Variants in CSMD2 observed in about 807,000 individuals in gnomAD.
The protein encoded by CSMD2 is CUB and Sushi multiple domains 2, also known as CUB and sushi domain-containing protein 2.
CSMD2 carries 130 observed loss-of-function variants against 398.5 expected under a neutral mutation model. That is an observed-to-expected ratio of 0.33 (90% CI 0.28 to 0.38). The LOEUF is 0.38. CSMD2 is among the 10% of genes least tolerant of loss of function. CSMD2 has a pLI of 1.00. For missense variants in CSMD2, 3,829 were observed against 4,764.9 expected (o/e 0.80, Z 5.78); for synonymous variants, 1,828 against 1,908.5 (o/e 0.96, Z 1.10).
At chr1:34,126,390 G>A (rs996398341) in intron 1 of CSMD2, among the ~76,000 whole-genome samples, 2 of 152,170 alleles carry the variant, frequency 1.3e-5, no homozygotes, top group Admixed American at 1.3e-4. Flanking sequence ...CTGTAATGGG[G>A]CTAGGCAGAA....
rs1338145854 is a variant in CSMD2, at chr1:33,567,644, G to T, written c.8329C>A (p.Arg2777Ser). The T allele has an allele frequency of 6.2e-7, 1 of 1,614,136 alleles. No homozygotes were observed. The highest frequency in any genetic ancestry group is 8.5e-7 in the Non-Finnish European group (1 of 1,180,008). ...AGFRLIGMSV[R>S]ICQQDHHWSG... ...CAGTGATGATCCTGCTGGCAGATGC[G>T]CACAGACATGCCGATCAGGCGGAAG... Residue 2777 changes from arginine (R) to serine (S), a missense_variant, in exon 53 of 71, where the codon CGC (arginine) becomes AGC (serine). Arg to Ser is a moderately radical substitution (Grantham distance 110, BLOSUM62 -1). Transcript: ENST00000373381.
intron 6 of CSMD2, among the ~76,000 whole-genome samples, chr1:33,836,187 G>C (rs1447709616): frequency 6.6e-6 from 1 of 152,192 alleles, no homozygotes; most frequent in African/African-American, 2.4e-5. Flanking sequence ...AGATATTGGT[G>C]AACAGCAAAT....
intron 10 of CSMD2, among the ~76,000 whole-genome samples, chr1:33,799,987 C>A (rs1029029396): frequency 3.9e-5 from 6 of 152,224 alleles, no homozygotes; most frequent in Non-Finnish European, 8.8e-5. Context: ...GGATAGAGTT[C>A]AGCATCTTGG....
intron 52 of CSMD2, 61 bp from the exon 53 acceptor site, chr1:33,567,902 C>A: frequency 6.6e-7 from 1 of 1,525,634 alleles, no homozygotes; most frequent in Non-Finnish European, 8.8e-7. Context: ...CTTTTCCCAC[C>A]TCTCCCTGAG....
chr1:33,745,525 C>T (rs1325853471), intron 13 of CSMD2, among the ~76,000 whole-genome samples: 1 of 151,942 alleles, frequency 6.6e-6, no homozygotes, highest in African/African-American at 2.4e-5. Context: ...TCATGTTTGC[C>T]AAAGGGGGGA....
At chr1:34,072,696 T>TA (rs1655869405) in intron 2 of CSMD2, among the ~76,000 whole-genome samples, 2 of 152,086 alleles carry the variant, frequency 1.3e-5, no homozygotes, top group Non-Finnish European at 2.9e-5. Context: ...TTGCCACAAA[T>TA]ATTGATTTTG....
intron 14 of CSMD2, among the ~76,000 whole-genome samples, chr1:33,741,708 GGAAA>G (rs1647073911): frequency 1.3e-5 from 2 of 152,044 alleles, no homozygotes; most frequent in African/African-American, 4.8e-5. Flanking sequence ...GAGAAACCTT[GGAAA>G]GAAATACAAG....
chr1:33,774,002 G>A (rs1651625905), intron 12 of CSMD2, among the ~76,000 whole-genome samples: 1 of 152,100 alleles, frequency 6.6e-6, no homozygotes, highest in Admixed American at 6.5e-5. Context: ...TCCAGGCACT[G>A]CCTTTTATGG....
chr1:34,022,041 A>C (rs1331543850), intron 3 of CSMD2, among the ~76,000 whole-genome samples: 3 of 152,192 alleles, frequency 2.0e-5, no homozygotes, highest in Non-Finnish European at 2.9e-5. Context: ...AGAGTCAAAG[A>C]AATATGGTAT....
chr1:33,983,554 C>T (rs930874720), intron 3 of CSMD2, among the ~76,000 whole-genome samples: 13 of 151,902 alleles, frequency 8.6e-5, no homozygotes, highest in Non-Finnish European at 1.3e-4. Flanking sequence ...TCTCACAGAA[C>T]GTCTGCTGTC....
At chr1:33,923,980 A>G (rs139586533) in intron 4 of CSMD2, among the ~76,000 whole-genome samples, 55 of 152,334 alleles carry the variant, frequency 3.6e-4, no homozygotes, top group African/African-American at 1.2e-3. Flanking sequence ...TGTACCTGTT[A>G]ACCAACCTCT....
chr1:33,908,897 C>T (rs1201514045), intron 5 of CSMD2, among the ~76,000 whole-genome samples: 1 of 152,138 alleles, frequency 6.6e-6, no homozygotes, highest in Admixed American at 6.5e-5. Flanking sequence ...TGGCTTGGCT[C>T]CTGATGGATA....
intron 1 of CSMD2, among the ~76,000 whole-genome samples, chr1:34,103,972 G>A (rs1558393545): frequency 6.6e-6 from 1 of 152,150 alleles, no homozygotes; most frequent in Non-Finnish European, 1.5e-5. Flanking sequence ...TTAAGCCTTA[G>A]TTTTGACATC....
chr1:33,550,048 G>A (rs899252063), intron 56 of CSMD2, 129 bp downstream of exon 56: 3 of 883,522 alleles, frequency 3.4e-6, no homozygotes, highest in East Asian at 5.1e-5. Context: ...TACCTGTTAG[G>A]GTAGATATAA....
chr1:33,944,981 T>C (rs930694710), intron 3 of CSMD2, among the ~76,000 whole-genome samples: 1 of 152,008 alleles, frequency 6.6e-6, no homozygotes, highest in African/African-American at 2.4e-5. Context: ...CCAACCCACA[T>C]CCAGTCAGAG....
At chr1:33,913,649 G>T (rs1643577198) in intron 5 of CSMD2, among the ~76,000 whole-genome samples, 1 of 152,182 alleles carries the variant, frequency 6.6e-6, no homozygotes, top group Non-Finnish European at 1.5e-5. Flanking sequence ...CAACTACTGA[G>T]AGGTGGCTGG....
At chr1:34,071,830 G>A (rs1237951100) in intron 2 of CSMD2, among the ~76,000 whole-genome samples, 2 of 152,252 alleles carry the variant, frequency 1.3e-5, no homozygotes, top group Non-Finnish European at 2.9e-5. Flanking sequence ...CAGTACCTAC[G>A]TAGAGTAGAA....
At chr1:33,655,352 T>C (rs59905723) in intron 27 of CSMD2, among the ~76,000 whole-genome samples, 1,615 of 152,374 alleles carry the variant, frequency 0.011, 36 homozygotes, top group African/African-American at 0.037. Flanking sequence ...TAATGGCTTC[T>C]AACATACACA....
Position 33,514,106 on chromosome 1 carries a change from A to T in CSMD2, c.*2518T>A, listed in dbSNP as rs1445328189. ...ATGCAGGACCCCAGGGGGAAGCCTCATATACAGAGACAGATAAATTAAATG... is the reference window on the plus strand; with the variant it reads ...ATGCAGGACCCCAGGGGGAAGCCTCTTATACAGAGACAGATAAATTAAATG... On this transcript the variant is annotated 3_prime_UTR_variant, in exon 71 of 71. Coordinates refer to ENST00000373381, the MANE Select transcript of CSMD2 (RefSeq NM_001281956.2). 6.6e-6 allele frequency: 1 copy of T among 152,620 alleles called. No individual in the cohort carries two copies. Among genetic ancestry groups the T allele is most frequent in the Non-Finnish European group, 1.5e-5 (1 of 68,026 alleles). The allele number at this position is 152,620 out of a possible 1,614,324, so 9.5% of individuals were successfully genotyped here. A position where few individuals can be genotyped will look rare whatever the true frequency, so the allele number is the denominator to read the frequency against.
Sources: allele counts gnomAD v4.1 joint callset (sites outside exome capture counted in the v4.1 genomes callset), GRCh38; gene constraint gnomAD v4.1.1; transcripts MANE v1.5; gene names NCBI Gene and HGNC (gene_info 2026-07-23, HGNC 2026-07-21).